Variants in THSD7A observed in about 807,000 individuals in gnomAD.
The protein encoded by THSD7A is thrombospondin type-1 domain-containing protein 7A.
In THSD7A, 96 loss-of-function variants were observed where a neutral mutation model predicts 231.3. That is an observed-to-expected ratio of 0.41 (90% CI 0.35 to 0.49). The LOEUF is 0.49. Among genes scored for constraint, THSD7A ranks in the 20% least tolerant of loss-of-function variants. THSD7A has a pLI of 0.05. For synonymous variants in THSD7A, 940 were observed against 743.3 expected, an observed-to-expected ratio of 1.26 and a Z score of -4.30; for missense variants, 2,290 against 2,070.2, an observed-to-expected ratio of 1.11 and a Z score of -2.06.
intron 4 of THSD7A, among the ~76,000 whole-genome samples, chr7:11,565,908 G>A (rs181611639): frequency 1.7e-3 from 258 of 152,256 alleles, no homozygotes; most frequent in African/African-American, 5.6e-3. Context: ...TGGCAGGTCT[G>A]AATTAAACTG....
intron 2 of THSD7A, among the ~76,000 whole-genome samples, chr7:11,616,079 T>G (rs1781093252): frequency 6.6e-6 from 1 of 152,190 alleles, no homozygotes; most frequent in Admixed American, 6.5e-5. Context: ...TAATTTTTCC[T>G]TTATTTACTG....
At chr7:11,698,304 A>G (rs1278984585) in intron 1 of THSD7A, among the ~76,000 whole-genome samples, 3 of 151,392 alleles carry the variant, frequency 2.0e-5, no homozygotes, top group Non-Finnish European at 4.4e-5. Context: ...GAGAATTTAA[A>G]TAGTGAATCT....
chr7:11,415,111 G>A (rs541853117), intron 17 of THSD7A, among the ~76,000 whole-genome samples: 2 of 152,304 alleles, frequency 1.3e-5, no homozygotes, highest in South Asian at 2.1e-4. Context: ...CTACTCTTGT[G>A]CAATCACTGA....
intron 2 of THSD7A, among the ~76,000 whole-genome samples, chr7:11,625,846 T>C (rs1414420278): frequency 6.6e-6 from 1 of 152,100 alleles, no homozygotes; most frequent in Admixed American, 6.6e-5. Context: ...ATCAAGCCAG[T>C]AGAATTCCAG....
intron 23 of THSD7A, among the ~76,000 whole-genome samples, chr7:11,388,334 G>C (rs1355646234): frequency 6.6e-6 from 1 of 151,986 alleles, no homozygotes; most frequent in Non-Finnish European, 1.5e-5. Context: ...TGGACTTTTT[G>C]TGGTTGGTAG....
At chr7:11,698,476 G>T (rs1328438792) in intron 1 of THSD7A, among the ~76,000 whole-genome samples, 3 of 150,618 alleles carry the variant, frequency 2.0e-5, no homozygotes, top group African/African-American at 7.4e-5. Flanking sequence ...TACTATATTT[G>T]CCATTTAGCT....
In THSD7A at chr7:11,541,462, A is replaced by C; in HGVS notation, c.1779T>G (p.Gly593=). Residue 593 remains glycine (G), a synonymous_variant, in exon 6 of 28, where the codon GGT becomes GGG. Coordinates refer to ENST00000423059, the MANE Select transcript of THSD7A (RefSeq NM_015204.3). The part of the protein sequence containing the change: ...NCEPDNGKEC[G]PGTQVQEVVC... The stretch of plus-strand genomic sequence containing the variant: ...CAACCTCTTGAACTTGCGTGCCTGG[A>C]CCACACTCCTTTCCGTTATCTGGCT... 1 of 1,613,932 alleles carries C rather than the reference A, an allele frequency of 6.2e-7. No homozygotes were observed. The highest frequency in any genetic ancestry group is 8.5e-7 in the Non-Finnish European group (1 of 1,179,884).
rs1392262799 is a variant in THSD7A at position 11,590,103 on chromosome 7, T to C, written c.1453+357A>G. On this transcript the variant is annotated intron_variant, in intron 4 of 27. Transcript: ENST00000423059. The surrounding 1 kb of genome is among the most constrained non-coding windows in gnomAD (Gnocchi z 4.4). ...TTTGACAAGCAGGTTTTACTTCTTATATAATTTTGGAATTTAGAATATATA... is the reference window on the plus strand; with the variant it reads ...TTTGACAAGCAGGTTTTACTTCTTACATAATTTTGGAATTTAGAATATATA... Among the ~76,000 whole-genome samples, 2 of 152,348 alleles carry C rather than the reference T, an allele frequency of 1.3e-5. No homozygotes were observed. The highest frequency in any genetic ancestry group is 3.9e-4 in the East Asian group (2 of 5,182).
intron 4 of THSD7A, among the ~76,000 whole-genome samples, chr7:11,544,272 G>A (rs937347821): frequency 6.6e-6 from 1 of 152,072 alleles, no homozygotes; most frequent in Non-Finnish European, 1.5e-5. Flanking sequence ...AACCTGGGAG[G>A]CAGAGGTTGC....
rs544274802 is a variant in THSD7A, at chr7:11,723,154, T to G, written c.191-86193A>C. Among the ~76,000 whole-genome samples, 341 of 152,006 alleles carry G rather than the reference T, an allele frequency of 2.2e-3. 3 individuals are homozygous for G. In the South Asian group the frequency reaches 0.025, roughly 11 times the overall value. Reference sequence around the variant, plus strand: ...TGGAATACTATGCAGCCATAAAAAATGATGAGTTCATGCCCTTTGTAGGGA... The same window carrying G: ...TGGAATACTATGCAGCCATAAAAAAGGATGAGTTCATGCCCTTTGTAGGGA... On this transcript the variant is annotated intron_variant, in intron 1 of 27. Coordinates refer to ENST00000423059, the MANE Select transcript of THSD7A (RefSeq NM_015204.3).
chr7:11,665,076 T>A (rs1380834939), intron 1 of THSD7A, among the ~76,000 whole-genome samples: 2 of 151,996 alleles, frequency 1.3e-5, no homozygotes, highest in Admixed American at 1.3e-4. Flanking sequence ...TCAAGCAGGG[T>A]TTACTTGGCT....
intron 23 of THSD7A, among the ~76,000 whole-genome samples, chr7:11,395,873 G>A (rs1783166688): frequency 6.6e-6 from 1 of 152,046 alleles, no homozygotes; most frequent in South Asian, 2.1e-4. Flanking sequence ...TTCTAAAATT[G>A]ACCACATAGT....
At chr7:11,498,597 C>CAAGCA (rs1404914391) in intron 6 of THSD7A, among the ~76,000 whole-genome samples, 1 of 152,160 alleles carries the variant, frequency 6.6e-6, no homozygotes, top group Non-Finnish European at 1.5e-5. Context: ...GACTGGACCC[C>CAAGCA]CAGCACAGCA....
chr7:11,574,886 T>G (rs1202637458), intron 4 of THSD7A, among the ~76,000 whole-genome samples: 1 of 152,182 alleles, frequency 6.6e-6, no homozygotes, highest in Non-Finnish European at 1.5e-5. Context: ...AGATAGCTTT[T>G]CTCTAGCATA....
rs1049182593 is a variant in THSD7A at position 11,384,534 on chromosome 7, A to G, written c.4412-1918T>C. ...TAATTTATTGAAAATATAGTTTTGT[A>G]TGTGATGTAAGCTAAAGATATTTTT... On this transcript the variant is annotated intron_variant, in intron 23 of 27. Transcript: ENST00000423059. 6 of 151,868 alleles carry G rather than the reference A, an allele frequency of 4.0e-5. No individual in the cohort carries two copies. In the East Asian group the frequency reaches 1.2e-3, roughly 29 times the overall value. The allele number at this position is 151,868 out of a possible 1,614,324, so 9.4% of individuals were successfully genotyped here. A position where few individuals can be genotyped will look rare whatever the true frequency, so the allele number is the denominator to read the frequency against.
intron 4 of THSD7A, among the ~76,000 whole-genome samples, chr7:11,552,440 G>T (rs1387640848): frequency 6.6e-6 from 1 of 151,976 alleles, no homozygotes; most frequent in Non-Finnish European, 1.5e-5. Flanking sequence ...TTTAGCTTTT[G>T]GTGTATTTTC....
At chr7:11,820,422 C>T (rs1784839197) in intron 1 of THSD7A, 1 of 1,328,038 alleles carries the variant, frequency 7.5e-7, no homozygotes, top group Non-Finnish European at 1.0e-6. Flanking sequence ...CATGGGCCCA[C>T]TTGGGGCTGG....
intron 1 of THSD7A, among the ~76,000 whole-genome samples, chr7:11,722,751 G>A (rs927430205): frequency 6.6e-6 from 1 of 152,008 alleles, no homozygotes; most frequent in East Asian, 1.9e-4. Flanking sequence ...GGCCATCAGA[G>A]AAATGCAAAT....
At chr7:11,405,157 T>TTTG (rs1783541287) in intron 22 of THSD7A, among the ~76,000 whole-genome samples, 1 of 151,606 alleles carries the variant, frequency 6.6e-6, no homozygotes, top group South Asian at 2.1e-4. Flanking sequence ...AAATGATTTT[T>TTTG]TTTTTTTTTT....
Sources: gnomAD v4.1 joint callset for allele counts (sites outside exome capture counted in the v4.1 genomes callset) on GRCh38, gnomAD v4.1.1 for gene constraint, Gnocchi (gnomAD v3.1) non-coding constraint, MANE v1.5 for transcripts, NCBI Gene and HGNC (gene_info 2026-07-23, HGNC 2026-07-21) for gene names.